Variants in PSD3 observed in about 807,000 individuals in gnomAD.
The protein encoded by PSD3 is PH and SEC7 domain-containing protein 3.
In PSD3, 49 loss-of-function variants were observed where a neutral mutation model predicts 105.5. That is an observed-to-expected ratio of 0.46 (90% CI 0.37 to 0.59). The LOEUF (loss-of-function observed/expected upper bound fraction) is 0.59, where lower values mean the gene tolerates loss of function less well. PSD3 is among the 20% of genes least tolerant of loss of function. The pLI is 0.00. For synonymous variants in PSD3, 557 were observed against 457.8 expected (o/e 1.22, Z -2.77); for missense variants, 1,561 against 1,263.8 (o/e 1.24, Z -3.57).
At chr8:18,554,753 T>A (rs1800967601) in intron 15 of PSD3, among the ~76,000 whole-genome samples, 1 of 152,072 alleles carries the variant, frequency 6.6e-6, no homozygotes, top group Non-Finnish European at 1.5e-5. Context: ...GAAAATAACT[T>A]CAGCTTAAAA....
intron 1 of PSD3, among the ~76,000 whole-genome samples, chr8:19,011,779 AAAAC>A (rs914460684): frequency 6.9e-4 from 105 of 152,290 alleles, no homozygotes; most frequent in Admixed American, 2.6e-3. Context: ...TAAAAAAAAA[AAAAC>A]AACAACAACA....
intron 1 of PSD3, among the ~76,000 whole-genome samples, chr8:18,985,797 T>C (rs1297891751): frequency 6.6e-6 from 1 of 152,168 alleles, no homozygotes; most frequent in African/African-American, 2.4e-5. Flanking sequence ...AATATTAGAA[T>C]GATGTATTTC....
chr8:18,732,178 G>GA (rs930549819), intron 9 of PSD3, among the ~76,000 whole-genome samples: 12 of 148,796 alleles, frequency 8.1e-5, no homozygotes, highest in East Asian at 2.0e-4. Context: ...CCTCCCCCCC[G>GA]AAAAAAAAAC....
At chr8:18,767,571 C>T (rs1220711028) in intron 8 of PSD3, among the ~76,000 whole-genome samples, 1 of 151,964 alleles carries the variant, frequency 6.6e-6, no homozygotes, top group Non-Finnish European at 1.5e-5. Flanking sequence ...CATGGTGAAA[C>T]CCCGTCTCTA....
At chr8:18,642,510 T>C (rs76677202) in intron 10 of PSD3, among the ~76,000 whole-genome samples, 5,539 of 152,246 alleles carry the variant, frequency 0.036, 134 homozygotes, top group East Asian at 0.099. Flanking sequence ...ATATAGAGGA[T>C]ATAAGATTCT....
At chr8:18,921,778 C>T (rs771214186) in intron 2 of PSD3, among the ~76,000 whole-genome samples, 5 of 152,114 alleles carry the variant, frequency 3.3e-5, no homozygotes, top group Admixed American at 6.5e-5. Flanking sequence ...CCAGTGTTCA[C>T]GGGCTTCAGG....
chr8:18,767,672 G>A (rs749916017), intron 8 of PSD3, among the ~76,000 whole-genome samples: 4 of 152,014 alleles, frequency 2.6e-5, no homozygotes, highest in African/African-American at 7.2e-5. Flanking sequence ...GCTTGAACCC[G>A]GGAGGTGGAG....
chr8:18,987,889 G>A lies in PSD3; in HGVS notation c.21+25674C>T, dbSNP rs141736860. Among the ~76,000 whole-genome samples, 830 of 152,144 alleles carry A rather than the reference G, an allele frequency of 5.5e-3. 7 individuals carry two copies. The highest frequency in any genetic ancestry group is 0.019 in the African/African-American group (793 of 41,512). ...GCAATTACATAATCTAAATCTGAGT[G>A]TACACAAAAAATACAAAACAAGGGC... On this transcript the variant is annotated intron_variant, in intron 1 of 15. Coordinates refer to ENST00000327040, the MANE Select transcript of PSD3 (RefSeq NM_015310.4).
At chr8:18,750,695 G>C (rs1442064960) in intron 9 of PSD3, among the ~76,000 whole-genome samples, 1 of 151,996 alleles carries the variant, frequency 6.6e-6, no homozygotes, top group Non-Finnish European at 1.5e-5. Flanking sequence ...GCGCTGAGTG[G>C]TGCGTTTACA....
At chr8:18,683,848 T>A (rs374103808) in intron 9 of PSD3, 20 of 765,206 alleles carry the variant, frequency 2.6e-5, no homozygotes, top group Non-Finnish European at 4.5e-5. Context: ...TGCCGCCGGA[T>A]AGAATCCTCC....
At chr8:18,929,307 C>T (rs1023147038) in intron 2 of PSD3, among the ~76,000 whole-genome samples, 8 of 151,908 alleles carry the variant, frequency 5.3e-5, no homozygotes, top group African/African-American at 1.9e-4. Flanking sequence ...AAGTCACAAC[C>T]CCAAACAAGC....
chr8:18,549,041 C>T lies in PSD3; in HGVS notation c.2928+7168G>A, dbSNP rs140707928. ...GCCAGACACTCACTCATTACACTCC[C>T]ACTTTCCCCAGTGGAAGAAATCACA... On this transcript the variant is annotated intron_variant, in intron 15 of 15. Coordinates refer to ENST00000327040, the MANE Select transcript of PSD3 (RefSeq NM_015310.4). Among the ~76,000 whole-genome samples the T allele has an allele frequency of 4.7e-3, 713 of 152,310 alleles. 3 individuals are homozygous for T. Among genetic ancestry groups the T allele is most frequent in the Middle Eastern group, 0.031 (9 of 294 alleles).
At chr8:18,966,500 G>A (rs1208514179) in intron 1 of PSD3, among the ~76,000 whole-genome samples, 1 of 151,548 alleles carries the variant, frequency 6.6e-6, no homozygotes, top group African/African-American at 2.4e-5. Flanking sequence ...GAACCTGGGA[G>A]GTGGAGGTTG....
chr8:18,913,924 C>T (rs1376204057), intron 2 of PSD3, among the ~76,000 whole-genome samples: 1 of 152,178 alleles, frequency 6.6e-6, no homozygotes, highest in East Asian at 1.9e-4. Flanking sequence ...CAGGCTGGCC[C>T]CTGCAGATCC....
rs558514950 is a variant in PSD3, at chr8:18,553,663, G to A, written c.2928+2546C>T. Among the ~76,000 whole-genome samples the A allele has an allele frequency of 2.4e-4, 36 of 152,234 alleles. No homozygotes were observed. The Middle Eastern group carries it at 0.014, about 58-fold the overall frequency. On this transcript the variant is annotated intron_variant, in intron 15 of 15. Transcript: ENST00000327040. ...CAAGCACTCACGAGAGAAAAATTCC[G>A]GTGGCTGCAACAATAGCAAAGTGGA...
chr8:19,028,167 A>G (rs1051897653), intron 1 of PSD3, among the ~76,000 whole-genome samples: 1 of 151,956 alleles, frequency 6.6e-6, no homozygotes, highest in Admixed American at 6.6e-5. Context: ...TTTCTCTGGC[A>G]TATCTTCATG....
At chr8:18,877,403 G>C (rs543986186) in intron 2 of PSD3, among the ~76,000 whole-genome samples, 16 of 152,208 alleles carry the variant, frequency 1.1e-4, no homozygotes, top group African/African-American at 3.6e-4. Flanking sequence ...TTGTCCCAGA[G>C]CTATCTGTTG....
chr8:18,769,366 CT>C (rs1207643247), intron 8 of PSD3, among the ~76,000 whole-genome samples: 1 of 152,084 alleles, frequency 6.6e-6, no homozygotes, highest in East Asian at 1.9e-4. Flanking sequence ...TAATAAACTT[CT>C]TTGTAAAAGT....
chr8:18,977,431 C>G (rs1373008824), intron 1 of PSD3, among the ~76,000 whole-genome samples: 3 of 152,048 alleles, frequency 2.0e-5, no homozygotes, highest in Admixed American at 2.0e-4. Context: ...AAGGAGCTAA[C>G]AGATAAAACA....
Sources: allele counts gnomAD v4.1 joint callset (sites outside exome capture counted in the v4.1 genomes callset), GRCh38; gene constraint gnomAD v4.1.1; transcripts MANE v1.5; gene names NCBI Gene and HGNC (gene_info 2026-07-23, HGNC 2026-07-21).